Variants in FH observed in about 807,000 individuals in gnomAD.
FH encodes the protein fumarate hydratase, mitochondrial.
In FH, 22 loss-of-function variants were observed where a neutral mutation model predicts 49.4. The observed-to-expected ratio is 0.45, with a 90% confidence interval of 0.32 to 0.64. FH has a LOEUF of 0.64. FH is among the 30% of genes least tolerant of loss of function. The pLI is 0.05. For missense variants in FH, 526 were observed against 641.5 expected (o/e 0.82, Z 1.95); for synonymous variants, 208 against 223.0 (o/e 0.93, Z 0.60).
intron 7 of FH, among the ~76,000 whole-genome samples, chr1:241,503,589 C>T (rs763725101): frequency 6.6e-6 from 1 of 152,202 alleles, no homozygotes; most frequent in African/African-American, 2.4e-5. Flanking sequence ...TCACTGTTCA[C>T]CCAGCTACAT....
intron 5 of FH, among the ~76,000 whole-genome samples, chr1:241,508,239 A>G (rs1659979296): frequency 6.6e-6 from 1 of 152,200 alleles, no homozygotes; most frequent in Non-Finnish European, 1.5e-5. Flanking sequence ...AGCACTCTAC[A>G]TAAATCAACT....
chr1:241,503,418 A>G (rs2147915619), intron 7 of FH, among the ~76,000 whole-genome samples: 1 of 152,318 alleles, frequency 6.6e-6, no homozygotes, highest in East Asian at 1.9e-4. Flanking sequence ...TCTGTCATCC[A>G]TAGTATTGCT....
intron 7 of FH, 101 bp downstream of exon 7, chr1:241,503,941 G>T: frequency 1.6e-6 from 2 of 1,263,220 alleles, no homozygotes; most frequent in Non-Finnish European, 2.3e-6. Flanking sequence ...TGCGCATCCA[G>T]CTGCGGGATA....
intron 4 of FH, among the ~76,000 whole-genome samples, chr1:241,509,641 C>T (rs910983914): frequency 2.6e-5 from 4 of 152,260 alleles, no homozygotes; most frequent in Middle Eastern, 3.4e-3. Context: ...CCAGGCATGG[C>T]GGTGCATGCC....
intron 9 of FH, among the ~76,000 whole-genome samples, chr1:241,498,209 A>G (rs1045721025): frequency 6.6e-6 from 1 of 152,162 alleles, no homozygotes; most frequent in East Asian, 1.9e-4. Context: ...ATTTGTTCCT[A>G]AGTTGAAATT....
Position 241,497,927 on chromosome 1 carries a change from A to ATTT in FH, c.1431_1433dup (p.Lys477dup), listed in dbSNP as rs367543046. The ATTT allele has an allele frequency of 1.9e-3, 3,090 of 1,613,964 alleles. 8 individuals carry two copies. Among genetic ancestry groups the ATTT allele is most frequent in the Non-Finnish European group, 2.3e-3 (2,726 of 1,179,964 alleles). ...TAGCAGTTTCCTTTAAGGTTGATCC[A>ATTT]TTTTTGTGTGCTGTCTTAGCAATCT... On this transcript the variant is annotated inframe_insertion, in exon 10 of 10. Transcript: ENST00000366560.
intron 1 of FH, 194 bp downstream of exon 1, chr1:241,519,397 G>A: frequency 1.6e-6 from 1 of 629,216 alleles, no homozygotes; most frequent in South Asian, 2.4e-5. Context: ...CCCGGGCTGC[G>A]GCTCCATCCC....
chr1:241,516,175 C>T (rs1423479040), intron 2 of FH, among the ~76,000 whole-genome samples: 1 of 151,678 alleles, frequency 6.6e-6, no homozygotes, highest in Non-Finnish European at 1.5e-5. Flanking sequence ...CTGTAAATAC[C>T]CAGCAAGAGT....
At position 241,499,833 on chromosome 1, in the gene FH, C is replaced by A. The variant is rs117467790; in HGVS notation, c.1390+604G>T. ...AATGGAGATCTCTATGGTCAGTCTA[C>A]TACCCAAATCTGTATGTTTGATTCT... On this transcript the variant is annotated intron_variant, in intron 9 of 9. Coordinates refer to ENST00000366560, the MANE Select transcript of FH (RefSeq NM_000143.4). Among the ~76,000 whole-genome samples the A allele has an allele frequency of 1.3e-4, 20 of 152,286 alleles. No individual in the cohort carries two copies. In the East Asian group the frequency reaches 3.9e-3, roughly 29 times the overall value.
intron 8 of FH, 114 bp downstream of exon 8, chr1:241,502,329 C>T: frequency 8.6e-7 from 1 of 1,167,290 alleles, no homozygotes; most frequent in East Asian, 2.4e-5. Context: ...CTTCCAACTG[C>T]TACTTATGTC....
Position 241,497,716 on chromosome 1 carries a change from G to T in FH, c.*112C>A. 2.1e-6 allele frequency: 2 copies of T among 942,366 alleles called. No homozygotes were observed. The highest frequency in any genetic ancestry group is 1.6e-5 in the South Asian group (1 of 64,208). 58.4% of individuals were successfully genotyped at this position (942,366 alleles called of 1,614,324 possible). A position where few individuals can be genotyped will look rare whatever the true frequency, so the allele number is the denominator to read the frequency against. The stretch of plus-strand genomic sequence containing the variant: ...ATATACTGATCAAATTGCTCTGCTA[G>T]AGATGCTTAAGTTCAATAGCAGTTT... On this transcript the variant is annotated 3_prime_UTR_variant, in exon 10 of 10. Coordinates refer to ENST00000366560, the MANE Select transcript of FH (RefSeq NM_000143.4).
At chr1:241,516,803 C>T (rs1660226984) in intron 2 of FH, among the ~76,000 whole-genome samples, 1 of 152,056 alleles carries the variant, frequency 6.6e-6, no homozygotes, top group Admixed American at 6.6e-5. Flanking sequence ...CAGGCGCGCG[C>T]CACCGTGCCC....
At chr1:241,516,787 G>C (rs1180215622) in intron 2 of FH, among the ~76,000 whole-genome samples, 1 of 151,788 alleles carries the variant, frequency 6.6e-6, no homozygotes, top group Non-Finnish European at 1.5e-5. Flanking sequence ...AGAGTAATTG[G>C]GACTACAGGC....
At chr1:241,498,691 TAAC>T (rs1301247886) in intron 9 of FH, among the ~76,000 whole-genome samples, 3 of 62,780 alleles carry the variant, frequency 4.8e-5, no homozygotes, top group Non-Finnish European at 9.0e-5. Flanking sequence ...CAAGCTGTCT[TAAC>T]ATATATATAT....
At chr1:241,500,343 G>A in intron 9 of FH, 94 bp downstream of exon 9, 1 of 1,189,506 alleles carries the variant, frequency 8.4e-7, no homozygotes. Context: ...AAAGAAATTT[G>A]CTGTTCTCAA....
rs1341995835 is a variant in FH at position 241,517,233 on chromosome 1, G to A, written c.216C>T (p.Thr72=). The A allele has an allele frequency of 1.7e-5, 27 of 1,613,996 alleles. No individual in the cohort carries two copies. In the East Asian group the frequency reaches 4.5e-4, roughly 27 times the overall value. Residue 72 remains threonine, a synonymous_variant, in exon 2 of 10, where the codon ACC becomes ACT. Coordinates refer to ENST00000366560, the MANE Select transcript of FH (RefSeq NM_000143.4). Reference sequence around the variant, plus strand: ...TCTTAAAGTTCATCGTAGATCTCACGGTCTGGGCGCCATAATACTTATCAT... The same window carrying A: ...TCTTAAAGTTCATCGTAGATCTCACAGTCTGGGCGCCATAATACTTATCAT... The part of the protein sequence containing the change: ...VPNDKYYGAQ[T]VRSTMNFKIG...
intron 7 of FH, 87 bp from the exon 8 acceptor site, chr1:241,502,657 G>GT: frequency 6.9e-7 from 1 of 1,459,432 alleles, no homozygotes; most frequent in South Asian, 1.2e-5. Context: ...ACTAAATAGA[G>GT]TAAGATATAC....
rs886046319 is a variant in FH at position 241,517,259 on chromosome 1, T to C, written c.190A>G (p.Asn64Asp). The change falls in exon 2 of 10, where the codon AAT becomes GAT. Residue 64 changes from asparagine to aspartate, a missense_variant. This residue lies in a region of FH where 143 missense variants were observed against 127.5 expected (regional missense o/e 1.12). Transcript: ENST00000366560. Reference protein sequence around the residue: ...YDTFGELKVPNDKYYGAQTVR... With the variant: ...YDTFGELKVPDDKYYGAQTVR... ...GTCTGGGCGCCATAATACTTATCAT[T>C]TGGCACCTTTAGTTCACCAAAGGTA... is the stretch of plus-strand genomic sequence containing the variant. 11 of 1,614,008 alleles carry C rather than the reference T, an allele frequency of 6.8e-6. No homozygotes were observed. The highest frequency in any genetic ancestry group is 3.3e-5 in the Admixed American group (2 of 60,012).
At chr1:241,515,270 C>T (rs1660185624) in intron 2 of FH, among the ~76,000 whole-genome samples, 1 of 152,018 alleles carries the variant, frequency 6.6e-6, no homozygotes, top group Admixed American at 6.5e-5. Flanking sequence ...GGTGTGCAAT[C>T]CCAATGGCTG....
Sources: allele counts gnomAD v4.1 joint callset (sites outside exome capture counted in the v4.1 genomes callset), GRCh38; gene constraint gnomAD v4.1.1; regional missense constraint gnomAD v4.1.1; transcripts MANE v1.5; gene names NCBI Gene and HGNC (gene_info 2026-07-23, HGNC 2026-07-21).